Variants in NAV2 observed in about 807,000 individuals in gnomAD.
The protein encoded by NAV2 is neuron navigator 2.
A neutral mutation model predicts 223.2 loss-of-function variants in NAV2; 54 were observed. That is an observed-to-expected ratio of 0.24 (90% CI 0.19 to 0.30). The LOEUF is 0.30. NAV2 is among the 10% of genes least tolerant of loss of function. The probability of loss-of-function intolerance (pLI) is 1.00; values close to 1 mark genes in which losing one functional copy is unlikely to be tolerated. For synonymous variants in NAV2, 1,279 were observed against 1,239.3 expected, an observed-to-expected ratio of 1.03 and a Z score of -0.67; for missense variants, 2,806 against 3,147.5, an observed-to-expected ratio of 0.89 and a Z score of 2.60.
At position 20,103,330 on chromosome 11, in the gene NAV2, A is replaced by G; in HGVS notation, c.6493A>G (p.Ile2165Val). Residue 2165 changes from isoleucine (I) to valine (V), a missense_variant, in exon 33 of 38, where the codon ATC becomes GTC. Physicochemically the swap from Ile to Val is conservative, Grantham distance 29. Transcript: ENST00000349880. ...ENNAVDMPLV[I>V]ILDNLHHVSS... ...CAATGCTGTGGACATGCCCCTCGTCATCATCCTGGACAACCTACACCACGT... is the reference window on the plus strand; with the variant it reads ...CAATGCTGTGGACATGCCCCTCGTCGTCATCCTGGACAACCTACACCACGT... 2 of 1,614,162 alleles carry G rather than the reference A, an allele frequency of 1.2e-6. No homozygotes were observed.
At chr11:19,820,722 T>TCATC (rs2059325667) in intron 1 of NAV2, among the ~76,000 whole-genome samples, 1 of 152,188 alleles carries the variant, frequency 6.6e-6, no homozygotes, top group African/African-American at 2.4e-5. Flanking sequence ...ATGGGGCTGA[T>TCATC]CATCCATTCA....
intron 1 of NAV2, among the ~76,000 whole-genome samples, chr11:19,727,138 A>G (rs1383104681): frequency 6.6e-6 from 1 of 152,170 alleles, no homozygotes; most frequent in African/African-American, 2.4e-5. Context: ...AGAGACTGTT[A>G]TCTACTTGGT....
chr11:19,719,714 A>G (rs2050607944), intron 1 of NAV2, among the ~76,000 whole-genome samples: 1 of 152,200 alleles, frequency 6.6e-6, no homozygotes, highest in African/African-American at 2.4e-5. Context: ...GACGGCTTGC[A>G]CCATGAAAGT....
At chr11:19,490,724 C>T (rs1032697282) in intron 1 of NAV2, among the ~76,000 whole-genome samples, 1 of 152,174 alleles carries the variant, frequency 6.6e-6, no homozygotes, top group Non-Finnish European at 1.5e-5. Flanking sequence ...GTTGATACTT[C>T]GGCCTTCTCC....
At position 19,933,513 on chromosome 11, in the gene NAV2, G is replaced by C. The variant is rs764975526; in HGVS notation, c.1269G>C (p.Arg423=). The change falls in exon 7 of 38, where the codon CGG becomes CGC. Residue 423 remains arginine, a synonymous_variant. Transcript: ENST00000349880. The surrounding 1 kb of genome is among the most constrained non-coding windows in gnomAD (Gnocchi z 4.3). ...GSKAGEGPGS[R]DTSCERLETL... Reference sequence around the variant, plus strand: ...AGGCAGGTGAGGGGCCGGGGTCCCGGGACACAAGCTGTGAGCGGCTGGAGA... The same window carrying C: ...AGGCAGGTGAGGGGCCGGGGTCCCGCGACACAAGCTGTGAGCGGCTGGAGA... 1 of 1,610,518 alleles carries C rather than the reference G, an allele frequency of 6.2e-7. No individual in the cohort carries two copies. Among genetic ancestry groups the C allele is most frequent in the Non-Finnish European group, 8.5e-7 (1 of 1,178,564 alleles).
chr11:19,438,895 AT>A (rs61163656), intron 1 of NAV2, among the ~76,000 whole-genome samples: 76 of 148,860 alleles, frequency 5.1e-4, no homozygotes, highest in East Asian at 7.9e-4. Context: ...AAGTTTAGAG[AT>A]TTTTTTTTTT....
At chr11:19,484,322 T>C (rs2042374847) in intron 1 of NAV2, among the ~76,000 whole-genome samples, 1 of 152,248 alleles carries the variant, frequency 6.6e-6, no homozygotes, top group Admixed American at 6.5e-5. Flanking sequence ...TTGTTTCTTA[T>C]ACATCTCTGA....
chr11:19,619,810 G>A (rs1565106979), intron 1 of NAV2, among the ~76,000 whole-genome samples: 1 of 151,948 alleles, frequency 6.6e-6, no homozygotes, highest in Non-Finnish European at 1.5e-5. Flanking sequence ...ATTGCTTTTG[G>A]TGTTTTAGTC....
upstream of NAV2, among the ~76,000 whole-genome samples, chr11:19,346,057 T>C (rs554505479): frequency 2.0e-5 from 3 of 152,234 alleles, no homozygotes; most frequent in South Asian, 6.2e-4. Flanking sequence ...GTGCTAGTCT[T>C]TAGGTGTATC....
chr11:19,892,179 A>G (rs996518928), intron 5 of NAV2, among the ~76,000 whole-genome samples: 1 of 152,158 alleles, frequency 6.6e-6, no homozygotes. Context: ...TTGTATTTTT[A>G]ATCCACAAAC....
At chr11:19,863,706 C>T (rs1408397524) in intron 3 of NAV2, among the ~76,000 whole-genome samples, 1 of 152,212 alleles carries the variant, frequency 6.6e-6, no homozygotes, top group Non-Finnish European at 1.5e-5. Flanking sequence ...ACGTTCCCAA[C>T]ACTCTTCTCT....
intron 11 of NAV2, among the ~76,000 whole-genome samples, chr11:19,988,046 G>A (rs2050957573): frequency 6.6e-6 from 1 of 152,224 alleles, no homozygotes; most frequent in South Asian, 2.1e-4. Context: ...TACATGCACT[G>A]CTGTCCTCTC....
chr11:19,399,385 C>T (rs1212898722), intron 1 of NAV2, among the ~76,000 whole-genome samples: 1 of 152,242 alleles, frequency 6.6e-6, no homozygotes, highest in Non-Finnish European at 1.5e-5. Context: ...CCTTCCTTCT[C>T]TCCCACAAGT....
chr11:19,486,146 G>A (rs2042437657), intron 1 of NAV2, among the ~76,000 whole-genome samples: 1 of 152,124 alleles, frequency 6.6e-6, no homozygotes, highest in African/African-American at 2.4e-5. Context: ...TGTTTGCCCA[G>A]TATAGCCTCT....
chr11:20,005,171 A>G (rs16937347), intron 11 of NAV2, among the ~76,000 whole-genome samples: 15,669 of 151,774 alleles, frequency 0.1, 1,143 homozygotes, highest in African/African-American at 0.21. Context: ...AGAAACTGCC[A>G]CACGATAGAA....
At chr11:20,008,068 A>G (rs933631262) in intron 11 of NAV2, among the ~76,000 whole-genome samples, 1 of 152,220 alleles carries the variant, frequency 6.6e-6, no homozygotes, top group Non-Finnish European at 1.5e-5. Context: ...CAGCCTGTGT[A>G]TTTTAAGTTT....
In NAV2 at chr11:19,678,892, C is replaced by G. The variant is rs16937120; in HGVS notation, c.76-153592C>G. ...AGTACATTCCCCAGTGCTAGGTGTT[C>G]AAATTCAGAATTTCCCACCACCTCC... On this transcript the variant is annotated intron_variant, in intron 1 of 37. Transcript: ENST00000360655. Among the ~76,000 whole-genome samples the G allele has an allele frequency of 3.2e-3, 490 of 152,280 alleles. 3 individuals are homozygous for G. Among genetic ancestry groups the G allele is most frequent in the African/African-American group, 0.011 (470 of 41,560 alleles).
At chr11:19,412,604 G>A (rs944753794) in intron 1 of NAV2, among the ~76,000 whole-genome samples, 37 of 151,908 alleles carry the variant, frequency 2.4e-4, no homozygotes, top group African/African-American at 8.0e-4. Context: ...CAAGTGGGTC[G>A]CTGACCCCTG....
intron 8 of NAV2, among the ~76,000 whole-genome samples, chr11:19,944,695 T>TCC (rs1287544110): frequency 4.5e-4 from 67 of 149,632 alleles, no homozygotes; most frequent in African/African-American, 1.6e-3. Context: ...TTTTCTTTCT[T>TCC]TCTTCCTTCT....
Sources: allele counts gnomAD v4.1 joint callset (sites outside exome capture counted in the v4.1 genomes callset), GRCh38; gene constraint gnomAD v4.1.1; non-coding constraint Gnocchi (gnomAD v3.1); transcripts MANE v1.5; gene names NCBI Gene and HGNC (gene_info 2026-07-23, HGNC 2026-07-21).